The following CNBD1 variants were observed in gnomAD, a reference collection of about 807,000 sequenced individuals.
The protein encoded by CNBD1 is cyclic nucleotide binding domain containing 1, also known as cyclic nucleotide-binding domain-containing protein 1.
CNBD1 carries 71 observed loss-of-function variants against 54.4 expected under a neutral mutation model. That is an observed-to-expected ratio of 1.30 (90% CI 1.08 to 1.59). The LOEUF (loss-of-function observed/expected upper bound fraction) is 1.59. Ranked by LOEUF, CNBD1 falls within the 40% of genes most tolerant of loss-of-function variation. CNBD1 has a pLI of 0.00. For synonymous variants in CNBD1, 182 were observed against 170.7 expected, an observed-to-expected ratio of 1.07 and a Z score of -0.51; for missense variants, 659 against 518.0, an observed-to-expected ratio of 1.27 and a Z score of -2.64.
intron 8 of CNBD1, among the ~76,000 whole-genome samples, chr8:87,302,850 A>G (rs967264364): frequency 6.6e-6 from 1 of 152,132 alleles, no homozygotes; most frequent in Non-Finnish European, 1.5e-5. Context: ...CAACAGACAA[A>G]CAGAGAGCCA....
In CNBD1 at chr8:87,297,163, CAA is replaced by C. The variant is rs555582073; in HGVS notation, c.1042+10513_1042+10514del. On this transcript the variant is annotated intron_variant, in intron 8 of 10. Coordinates refer to ENST00000518476, the MANE Select transcript of CNBD1 (RefSeq NM_173538.3). The stretch of plus-strand genomic sequence containing the variant: ...ACTGCAGTCCAGCCTGGGTCCGTCT[CAA>C]AAAAAAAAAAAAAAAAAAAAGGAAA... Among the ~76,000 whole-genome samples the C allele has an allele frequency of 4.2e-3, 376 of 88,686 alleles. 1 individual carries two copies. The highest frequency in any genetic ancestry group is 0.017 in the African/African-American group (353 of 21,116). 58.2% of individuals were successfully genotyped at this position (88,686 alleles called of 152,430 possible).
intron 4 of CNBD1, among the ~76,000 whole-genome samples, chr8:87,130,917 A>G (rs1812105526): frequency 6.6e-6 from 1 of 151,844 alleles, no homozygotes; most frequent in South Asian, 2.1e-4. Context: ...GTGCATATCT[A>G]TGATTTTATG....
chr8:86,899,521 A>T (rs1278762703), intron 2 of CNBD1, among the ~76,000 whole-genome samples: 1 of 152,164 alleles, frequency 6.6e-6, no homozygotes, highest in East Asian at 1.9e-4. Flanking sequence ...TAGTTCTTCA[A>T]GTTTGACTGG....
intron 5 of CNBD1, among the ~76,000 whole-genome samples, chr8:87,229,795 CTT>C (rs1324212037): frequency 6.6e-6 from 1 of 151,974 alleles, no homozygotes; most frequent in Non-Finnish European, 1.5e-5. Flanking sequence ...TAAAAAAAAA[CTT>C]TTATTTTCAA....
intron 4 of CNBD1, among the ~76,000 whole-genome samples, chr8:87,032,949 A>G (rs1164379835): frequency 6.6e-6 from 1 of 152,250 alleles, no homozygotes; most frequent in East Asian, 1.9e-4. Context: ...GTCAAGATTC[A>G]TATCTTGAAA....
intron 2 of CNBD1, among the ~76,000 whole-genome samples, chr8:87,419,465 C>T (rs760280997): frequency 2.6e-5 from 4 of 151,734 alleles, no homozygotes; most frequent in Non-Finnish European, 5.9e-5. Context: ...TAATAAAAGA[C>T]AATAAGAATG....
At chr8:86,867,019 A>C (rs763347272) in intron 1 of CNBD1, among the ~76,000 whole-genome samples, 14 of 152,148 alleles carry the variant, frequency 9.2e-5, no homozygotes, top group Non-Finnish European at 1.9e-4. Flanking sequence ...TTTGACAAGG[A>C]AAAAAAGATA....
chr8:87,192,424 A>C (rs1488306485), intron 4 of CNBD1, among the ~76,000 whole-genome samples: 1 of 152,196 alleles, frequency 6.6e-6, no homozygotes, highest in Non-Finnish European at 1.5e-5. Context: ...CACTATAATA[A>C]AAATTTGATT....
intron 6 of CNBD1, among the ~76,000 whole-genome samples, chr8:87,242,512 A>G (rs1453396434): frequency 6.6e-6 from 1 of 152,170 alleles, no homozygotes; most frequent in African/African-American, 2.4e-5. Context: ...GGGTCTTTAG[A>G]TAATAGCTTA....
chr8:87,045,119 C>T (rs538398103), intron 4 of CNBD1, among the ~76,000 whole-genome samples: 2 of 152,134 alleles, frequency 1.3e-5, no homozygotes, highest in Admixed American at 6.5e-5. Context: ...TCTTCTGGGC[C>T]TGGTTCAAAG....
At chr8:87,303,257 C>A (rs1809053914) in intron 8 of CNBD1, among the ~76,000 whole-genome samples, 1 of 151,504 alleles carries the variant, frequency 6.6e-6, no homozygotes, top group Non-Finnish European at 1.5e-5. Flanking sequence ...CTACAGTAAC[C>A]AAAACAGCAT....
At chr8:87,025,303 A>G (rs1809615820) in intron 4 of CNBD1, among the ~76,000 whole-genome samples, 1 of 152,160 alleles carries the variant, frequency 6.6e-6, no homozygotes, top group African/African-American at 2.4e-5. Context: ...AGCTGGGGCA[A>G]CCTGGGTCCC....
chr8:87,046,273 G>T (rs1810188857), intron 4 of CNBD1, among the ~76,000 whole-genome samples: 1 of 152,046 alleles, frequency 6.6e-6, no homozygotes, highest in African/African-American at 2.4e-5. Flanking sequence ...TAGGCCTCTG[G>T]CTATAGCATG....
intron 4 of CNBD1, among the ~76,000 whole-genome samples, chr8:87,116,675 C>T (rs1811777448): frequency 6.6e-6 from 1 of 152,108 alleles, no homozygotes; most frequent in South Asian, 2.1e-4. Flanking sequence ...CCACCTAGTC[C>T]TCCAATTTCA....
chr8:87,373,654 A>C (rs1586058218), intron 10 of CNBD1, among the ~76,000 whole-genome samples: 1 of 151,984 alleles, frequency 6.6e-6, no homozygotes, highest in Non-Finnish European at 1.5e-5. Context: ...AAAGAAAATT[A>C]CAATAAATGT....
intron 4 of CNBD1, among the ~76,000 whole-genome samples, chr8:86,943,365 CAAAAAAAAAA>C (rs1158061860): frequency 4.6e-4 from 15 of 32,578 alleles, no homozygotes; most frequent in African/African-American, 1.4e-3. Flanking sequence ...GACTCCATCT[CAAAAAAAAAA>C]AAAAAAAAAA....
At chr8:86,956,931 G>C (rs1009680486) in intron 4 of CNBD1, among the ~76,000 whole-genome samples, 3 of 152,140 alleles carry the variant, frequency 2.0e-5, no homozygotes, top group Non-Finnish European at 4.4e-5. Flanking sequence ...AATGCTTCCA[G>C]TTTTTGCCCA....
intron 4 of CNBD1, among the ~76,000 whole-genome samples, chr8:86,953,332 G>A (rs1315733351): frequency 6.6e-6 from 1 of 152,158 alleles, no homozygotes; most frequent in Non-Finnish European, 1.5e-5. Context: ...TGTATCATTA[G>A]GTATAGATAA....
At chr8:87,357,997 T>C (rs1365570024) in intron 10 of CNBD1, among the ~76,000 whole-genome samples, 1 of 152,158 alleles carries the variant, frequency 6.6e-6, no homozygotes, top group African/African-American at 2.4e-5. Flanking sequence ...TAGCAGCTCC[T>C]TTTCTCTCTC....
Sources: gnomAD v4.1 joint callset for allele counts (sites outside exome capture counted in the v4.1 genomes callset) on GRCh38, gnomAD v4.1.1 for gene constraint, MANE v1.5 for transcripts, NCBI Gene and HGNC (gene_info 2026-07-23, HGNC 2026-07-21) for gene names.